Variants in MAP4K3 observed in about 807,000 individuals in gnomAD.
The protein encoded by MAP4K3 is mitogen-activated protein kinase kinase kinase kinase 3, also known as MAPK/ERK kinase kinase kinase 3.
MAP4K3 carries 94 observed loss-of-function variants against 143.5 expected under a neutral mutation model. The ratio of observed to expected loss-of-function variants is 0.65; its 90% CI spans 0.55 to 0.78. MAP4K3 has a LOEUF of 0.78. Ranked by LOEUF, MAP4K3 falls within the 30% of genes least tolerant of loss-of-function variation. The pLI, the probability that MAP4K3 is intolerant of heterozygous loss-of-function variation, is 0.00. For missense variants in MAP4K3, 1,077 were observed against 1,068.1 expected (o/e 1.01, Z -0.12); for synonymous variants, 416 against 347.2 (o/e 1.20, Z -2.20).
At chr2:39,401,319 AAG>A (rs2148607558) in intron 1 of MAP4K3, among the ~76,000 whole-genome samples, 1 of 152,288 alleles carries the variant, frequency 6.6e-6, no homozygotes, top group South Asian at 2.1e-4. Flanking sequence ...ACCAGAAAGG[AAG>A]AGAGAGAACA....
At chr2:39,312,917 T>C (rs937567824) in intron 13 of MAP4K3, among the ~76,000 whole-genome samples, 3 of 152,200 alleles carry the variant, frequency 2.0e-5, no homozygotes, top group Non-Finnish European at 4.4e-5. Context: ...AACATGCCCA[T>C]TTCTCCCACC....
chr2:39,312,146 C>T (rs1682961970), intron 13 of MAP4K3, among the ~76,000 whole-genome samples: 1 of 152,100 alleles, frequency 6.6e-6, no homozygotes. Context: ...CAAAAACAAC[C>T]ACTGCAGCTA....
chr2:39,313,287 G>A (rs1424468455), intron 13 of MAP4K3, among the ~76,000 whole-genome samples: 1 of 151,992 alleles, frequency 6.6e-6, no homozygotes, highest in Non-Finnish European at 1.5e-5. Flanking sequence ...TTGCATCGCG[G>A]GGGTTTATTG....
intron 21 of MAP4K3, among the ~76,000 whole-genome samples, chr2:39,284,930 A>G (rs1164401144): frequency 6.6e-6 from 1 of 152,114 alleles, no homozygotes; most frequent in East Asian, 1.9e-4. Context: ...TTGCTCTGTC[A>G]CCCAGGCTGG....
At chr2:39,433,079 T>C (rs1002512041) in intron 1 of MAP4K3, among the ~76,000 whole-genome samples, 3 of 152,224 alleles carry the variant, frequency 2.0e-5, no homozygotes, top group Non-Finnish European at 4.4e-5. Context: ...GACTTCTCAG[T>C]CTTTAACCTA....
intron 16 of MAP4K3, 33 bp from the exon 17 acceptor site, chr2:39,293,301 T>C (rs1573106936): frequency 7.1e-6 from 9 of 1,274,500 alleles, no homozygotes; most frequent in Middle Eastern, 2.1e-4. Context: ...AAAAATAATG[T>C]GAATAAATTA....
chr2:39,390,678 T>C (rs1666627666), intron 1 of MAP4K3, among the ~76,000 whole-genome samples: 1 of 151,936 alleles, frequency 6.6e-6, no homozygotes, highest in Non-Finnish European at 1.5e-5. Context: ...ACGTATATCA[T>C]TAAGTGTCCC....
chr2:39,397,947 A>T (rs574503114), intron 1 of MAP4K3, among the ~76,000 whole-genome samples: 13 of 152,368 alleles, frequency 8.5e-5, no homozygotes, highest in African/African-American at 3.1e-4. Flanking sequence ...AGTGTTTCTT[A>T]TCAGATTGGC....
intron 18 of MAP4K3, 48 bp downstream of exon 18, chr2:39,292,725 G>C: frequency 6.8e-7 from 1 of 1,465,720 alleles, no homozygotes; most frequent in Non-Finnish European, 9.6e-7. Context: ...GATGAAATCA[G>C]GTCAAATGAC....
chr2:39,276,482 T>C (rs1377785257), intron 24 of MAP4K3, among the ~76,000 whole-genome samples: 1 of 152,138 alleles, frequency 6.6e-6, no homozygotes, highest in African/African-American at 2.4e-5. Context: ...TATGGTGAAG[T>C]AGTTAAGCAC....
At chr2:39,305,847 T>A (rs1028278771) in intron 15 of MAP4K3, among the ~76,000 whole-genome samples, 15 of 149,688 alleles carry the variant, frequency 1.0e-4, no homozygotes, top group Admixed American at 5.3e-4. Context: ...TTTTTTTTTT[T>A]AAAGATGGAG....
intron 21 of MAP4K3, among the ~76,000 whole-genome samples, chr2:39,286,444 G>GCTA (rs1237780230): frequency 1.3e-5 from 2 of 152,204 alleles, no homozygotes; most frequent in African/African-American, 2.4e-5. Context: ...TGGGGTAGAA[G>GCTA]CTACAGCTTT....
chr2:39,361,446 G>GA (rs1314547336), intron 2 of MAP4K3, among the ~76,000 whole-genome samples: 13 of 144,708 alleles, frequency 9.0e-5, no homozygotes, highest in East Asian at 8.0e-4. Context: ...AAACCCAAAA[G>GA]AAAAAAAAAT....
intron 2 of MAP4K3, among the ~76,000 whole-genome samples, chr2:39,360,061 T>C (rs1380190632): frequency 6.6e-6 from 1 of 152,264 alleles, no homozygotes; most frequent in African/African-American, 2.4e-5. Flanking sequence ...AAATGAGGTT[T>C]TCTTTTCTAT....
intron 13 of MAP4K3, among the ~76,000 whole-genome samples, chr2:39,311,556 T>C (rs1360738273): frequency 6.6e-6 from 1 of 152,230 alleles, no homozygotes; most frequent in Non-Finnish European, 1.5e-5. Context: ...TAACTGTATA[T>C]GAGTTCCAAG....
chr2:39,391,579 T>A (rs1026057178), intron 1 of MAP4K3, among the ~76,000 whole-genome samples: 1 of 152,104 alleles, frequency 6.6e-6, no homozygotes, highest in East Asian at 1.9e-4. Context: ...GAAAAATACA[T>A]TCACTTAAGT....
intron 1 of MAP4K3, among the ~76,000 whole-genome samples, chr2:39,402,178 T>C (rs1348485081): frequency 1.3e-5 from 2 of 152,070 alleles, no homozygotes; most frequent in Non-Finnish European, 2.9e-5. Flanking sequence ...ATGGATAGAA[T>C]AAGAGCAGAT....
At chr2:39,323,602 G>A (rs1683391440) in intron 12 of MAP4K3, 1 of 152,080 alleles carries the variant, frequency 6.6e-6, no homozygotes, top group Non-Finnish European at 1.5e-5. Flanking sequence ...TAGCCTTTCA[G>A]TTCACAAATT....
chr2:39,434,462 C>T (rs1299620425), intron 1 of MAP4K3, among the ~76,000 whole-genome samples: 1 of 152,152 alleles, frequency 6.6e-6, no homozygotes, highest in Non-Finnish European at 1.5e-5. Flanking sequence ...ATCTGATATC[C>T]ACTTGGCAGA....
Sources: allele counts gnomAD v4.1 joint callset (sites outside exome capture counted in the v4.1 genomes callset), GRCh38; gene constraint gnomAD v4.1.1; transcripts MANE v1.5; gene names NCBI Gene and HGNC (gene_info 2026-07-23, HGNC 2026-07-21).